Variants in PPM1L observed in about 807,000 individuals in gnomAD.
PPM1L encodes protein phosphatase, Mg2+/Mn2+ dependent 1L, also known as protein phosphatase 1L.
In PPM1L, 13 loss-of-function variants were observed where a neutral mutation model predicts 31.4. That is an observed-to-expected ratio of 0.41 (90% confidence interval 0.27 to 0.66). The LOEUF (loss-of-function observed/expected upper bound fraction) is 0.66, where lower values mean the gene tolerates loss of function less well. Ranked by LOEUF, PPM1L falls within the 30% of genes least tolerant of loss-of-function variation. PPM1L has a pLI of 0.29. For synonymous variants in PPM1L, 184 were observed against 175.4 expected (o/e 1.05, Z -0.39); for missense variants, 326 against 453.7 (o/e 0.72, Z 2.56).
intron 1 of PPM1L, among the ~76,000 whole-genome samples, chr3:160,774,776 C>T (rs1369967057): frequency 6.6e-6 from 1 of 152,134 alleles, no homozygotes; most frequent in Non-Finnish European, 1.5e-5. Context: ...TAAAATGTTG[C>T]TTGGTCATGT....
Position 160,756,608 on chromosome 3 carries a change from C to T in PPM1L, c.300C>T (p.Gly100=), listed in dbSNP as rs1714810900. The change falls in exon 1 of 4, where the codon GGC becomes GGT. Residue 100 remains glycine, a synonymous_variant. Coordinates refer to ENST00000498165, the MANE Select transcript of PPM1L (RefSeq NM_139245.4). The surrounding 1 kb of genome is among the most constrained non-coding windows in gnomAD (Gnocchi z 6.2). ...ACGTGGCGGTGTACTCCATCCAGGG[C>T]CGGAGAGACCACATGGAGGACCGCT... ...NHNVAVYSIQ[G]RRDHMEDRFE... 3.1e-6 allele frequency: 5 copies of T among 1,614,098 alleles called. No homozygotes were observed. The highest frequency in any genetic ancestry group is 1.3e-5 in the African/African-American group (1 of 75,010).
chr3:160,823,919 T>A (rs16831520), intron 1 of PPM1L, among the ~76,000 whole-genome samples: 1 of 152,110 alleles, frequency 6.6e-6, no homozygotes, highest in East Asian at 1.9e-4. Flanking sequence ...GTAAATTGGC[T>A]TATTTGAATC....
intron 1 of PPM1L, among the ~76,000 whole-genome samples, chr3:160,816,705 T>C (rs957021655): frequency 2.6e-5 from 4 of 152,108 alleles, no homozygotes; most frequent in African/African-American, 9.7e-5. Flanking sequence ...GAAGAAGTTA[T>C]GTTTATGCTA....
At chr3:160,992,388 G>A (rs1717161874) in intron 2 of PPM1L, among the ~76,000 whole-genome samples, 2 of 152,244 alleles carry the variant, frequency 1.3e-5, no homozygotes, top group Admixed American at 6.5e-5. Flanking sequence ...ATAATGACAA[G>A]TGTAGCTTCC....
At position 160,835,028 on chromosome 3, in the gene PPM1L, T is replaced by TTAC. The variant is rs1159075146; in HGVS notation, c.399+78332_399+78334dup. On this transcript the variant is annotated intron_variant, in intron 1 of 3. Transcript: ENST00000498165. The stretch of plus-strand genomic sequence containing the variant: ...CAACCTATTACTACTACTACTACTA[T>TTAC]TACTACTACTACTTCTTCTTCTTCT... Among the ~76,000 whole-genome samples, 231 of 105,154 alleles carry TTAC rather than the reference T, an allele frequency of 2.2e-3. 1 individual carries two copies. Among genetic ancestry groups the TTAC allele is most frequent in the African/African-American group, 7.4e-3 (163 of 21,940 alleles). The allele number at this position is 105,154 out of a possible 152,430, so 69.0% of individuals were successfully genotyped here. A position where few individuals can be genotyped will look rare whatever the true frequency, so the allele number is the denominator to read the frequency against.
At chr3:160,812,462 G>T (rs1415094679) in intron 1 of PPM1L, among the ~76,000 whole-genome samples, 1 of 152,144 alleles carries the variant, frequency 6.6e-6, no homozygotes, top group African/African-American at 2.4e-5. Context: ...AGAACGTCTA[G>T]GTACTTTTCA....
intron 1 of PPM1L, among the ~76,000 whole-genome samples, chr3:160,767,896 G>A (rs769897313): frequency 1.5e-4 from 23 of 151,988 alleles, no homozygotes; most frequent in African/African-American, 2.2e-4. Context: ...TTCATTTATC[G>A]TTTTAATTAA....
intron 1 of PPM1L, among the ~76,000 whole-genome samples, chr3:160,890,379 T>C (rs9857195): frequency 0.75 from 114,119 of 152,078 alleles, 43,193 homozygotes; most frequent in Middle Eastern, 0.83. Flanking sequence ...CATGAACTCC[T>C]ATTCACAAAT....
Position 161,041,254 on chromosome 3 carries a change from G to A in PPM1L, c.575-24149G>A, listed in dbSNP as rs539553232. On this transcript the variant is annotated intron_variant, in intron 2 of 3. Coordinates refer to ENST00000498165, the MANE Select transcript of PPM1L (RefSeq NM_139245.4). ...GGAGATGCCTCCCCCCACTGGCCCC[G>A]CCCTGGCTTTGAGTTGTCCTGCCTT... Among the ~76,000 whole-genome samples the A allele has an allele frequency of 1.1e-4, 16 of 152,164 alleles. No homozygotes were observed. In the South Asian group the frequency reaches 1.2e-3, roughly 12 times the overall value.
At chr3:160,978,551 C>G (rs1333360642) in intron 2 of PPM1L, among the ~76,000 whole-genome samples, 3 of 152,302 alleles carry the variant, frequency 2.0e-5, no homozygotes, top group East Asian at 3.9e-4. Flanking sequence ...AGCTGAGGGC[C>G]AGGCACAGTG....
intron 2 of PPM1L, among the ~76,000 whole-genome samples, chr3:161,045,587 C>A (rs1034297411): frequency 6.6e-6 from 1 of 152,120 alleles, no homozygotes; most frequent in Non-Finnish European, 1.5e-5. Flanking sequence ...AACAAAGACA[C>A]AACATACCAG....
chr3:160,964,665 T>A (rs1716075656), intron 2 of PPM1L, among the ~76,000 whole-genome samples: 1 of 152,066 alleles, frequency 6.6e-6, no homozygotes. Flanking sequence ...TAAAGTGATC[T>A]TCAGCAGCTT....
chr3:160,823,061 TTA>T (rs1713249530), intron 1 of PPM1L, among the ~76,000 whole-genome samples: 1 of 152,074 alleles, frequency 6.6e-6, no homozygotes, highest in Admixed American at 6.6e-5. Context: ...CTATCTTCTG[TTA>T]TCTCAAGAGG....
At chr3:161,009,748 C>T (rs947954327) in intron 2 of PPM1L, among the ~76,000 whole-genome samples, 28 of 151,842 alleles carry the variant, frequency 1.8e-4, no homozygotes, top group Admixed American at 1.8e-3. Context: ...TTCTATTTAA[C>T]TAGGAAGTGA....
chr3:160,928,135 C>T (rs906166486), intron 1 of PPM1L, among the ~76,000 whole-genome samples: 2 of 152,096 alleles, frequency 1.3e-5, no homozygotes, highest in African/African-American at 4.8e-5. Flanking sequence ...ATTTATAGTT[C>T]GATGATCTGG....
At chr3:161,024,260 G>C (rs1224729392) in intron 2 of PPM1L, among the ~76,000 whole-genome samples, 1 of 120,274 alleles carries the variant, frequency 8.3e-6, no homozygotes, top group Non-Finnish European at 1.7e-5. Flanking sequence ...GCAAGACTCC[G>C]TCTCAAAAAA....
chr3:161,046,460 C>CA (rs1719073393), intron 2 of PPM1L, among the ~76,000 whole-genome samples: 1 of 151,850 alleles, frequency 6.6e-6, no homozygotes, highest in Admixed American at 6.6e-5. Context: ...GCCTACCAAC[C>CA]AAAAAAAGTC....
In PPM1L at chr3:160,855,767, C is replaced by T. The variant is rs1055138676; in HGVS notation, c.399+99060C>T. On this transcript the variant is annotated intron_variant, in intron 1 of 3. Coordinates refer to ENST00000498165, the MANE Select transcript of PPM1L (RefSeq NM_139245.4). The stretch of plus-strand genomic sequence containing the variant: ...AACACTTATACACTGCTGGAGGGAA[C>T]GTAAGTGTTTCAGCTACTGTGGAAA... 3.3e-5 allele frequency among the ~76,000 whole-genome samples: 5 copies of T among 152,050 alleles called. No individual in the cohort carries two copies. In the East Asian group the frequency reaches 7.7e-4, roughly 24 times the overall value.
intron 1 of PPM1L, among the ~76,000 whole-genome samples, chr3:160,923,141 G>C (rs1200623472): frequency 6.6e-6 from 1 of 152,116 alleles, no homozygotes; most frequent in Non-Finnish European, 1.5e-5. Context: ...TCAGTTTTAA[G>C]AGTAATTTAT....
Sources: gnomAD v4.1 joint callset for allele counts (sites outside exome capture counted in the v4.1 genomes callset) on GRCh38, gnomAD v4.1.1 for gene constraint, Gnocchi (gnomAD v3.1) non-coding constraint, MANE v1.5 for transcripts, NCBI Gene and HGNC (gene_info 2026-07-23, HGNC 2026-07-21) for gene names.